The following GLIS1 variants were observed in gnomAD, a reference collection of about 807,000 sequenced individuals.
GLIS1 encodes GLIS family zinc finger 1, also known as zinc finger protein GLIS1.
Under a neutral mutation model 63.8 loss-of-function variants are expected in GLIS1, and 24 were observed. The ratio of observed to expected loss-of-function variants is 0.38; its 90% CI spans 0.27 to 0.53. The LOEUF (loss-of-function observed/expected upper bound fraction) is 0.53. GLIS1 is among the 20% of genes least tolerant of loss of function. The pLI is 0.85. For synonymous variants in GLIS1, 450 were observed against 482.5 expected, an observed-to-expected ratio of 0.93 and a Z score of 0.88; for missense variants, 1,036 against 1,074.1, an observed-to-expected ratio of 0.96 and a Z score of 0.50.
chr1:53,519,454 T>G (rs1644384565), intron 7 of GLIS1, among the ~76,000 whole-genome samples: 1 of 152,206 alleles, frequency 6.6e-6, no homozygotes, highest in South Asian at 2.1e-4. Context: ...CAAAAAATGT[T>G]GAAAATGGTT....
At chr1:53,626,276 C>A (rs1645593068) in intron 2 of GLIS1, among the ~76,000 whole-genome samples, 1 of 152,184 alleles carries the variant, frequency 6.6e-6, no homozygotes, top group African/African-American at 2.4e-5. Flanking sequence ...CAGACACAAC[C>A]CATAACTTCC....
chr1:53,589,913 G>A (rs951724909), intron 4 of GLIS1, among the ~76,000 whole-genome samples: 1 of 152,194 alleles, frequency 6.6e-6, no homozygotes, highest in African/African-American at 2.4e-5. Context: ...ATATCGAATG[G>A]CAAGGACAGA....
At chr1:53,564,157 A>C (rs1249093609) in intron 4 of GLIS1, among the ~76,000 whole-genome samples, 2 of 152,220 alleles carry the variant, frequency 1.3e-5, no homozygotes, top group Non-Finnish European at 2.9e-5. Flanking sequence ...ACGGGGTTGA[A>C]GAAAGGCCAG....
At chr1:53,568,297 T>G (rs1644953697) in intron 4 of GLIS1, among the ~76,000 whole-genome samples, 1 of 152,228 alleles carries the variant, frequency 6.6e-6, no homozygotes, top group African/African-American at 2.4e-5. Flanking sequence ...TTTGACCAAT[T>G]TCTCCCTTTT....
At chr1:53,705,219 T>C (rs1478574952) in intron 2 of GLIS1, among the ~76,000 whole-genome samples, 1 of 152,114 alleles carries the variant, frequency 6.6e-6, no homozygotes, top group Non-Finnish European at 1.5e-5. Flanking sequence ...ACAATGACAC[T>C]GAGCCCTGGG....
At chr1:53,572,782 T>A (rs1292020318) in intron 4 of GLIS1, among the ~76,000 whole-genome samples, 4 of 152,230 alleles carry the variant, frequency 2.6e-5, no homozygotes, top group African/African-American at 9.6e-5. Context: ...TTTCTGGCTC[T>A]GGCTGACCCC....
chr1:53,707,835 G>A (rs956016741), intron 2 of GLIS1, among the ~76,000 whole-genome samples: 5 of 151,860 alleles, frequency 3.3e-5, no homozygotes, highest in East Asian at 3.9e-4. Context: ...TTACAGGCGT[G>A]AGCCACCATG....
Position 53,715,655 on chromosome 1 carries a change from G to A in GLIS1, c.259+22151C>T, listed in dbSNP as rs115250597. Among the ~76,000 whole-genome samples the A allele has an allele frequency of 2.0e-3, 311 of 152,236 alleles. 2 individuals are homozygous for A. Among genetic ancestry groups the A allele is most frequent in the African/African-American group, 7.3e-3 (303 of 41,542 alleles). On this transcript the variant is annotated intron_variant, in intron 2 of 10. Transcript: ENST00000628545. ...ACAGGTTCAGGACTGAGGCAGGGAC[G>A]CCAGCAGGGGGCGGCAAGAAGGAGC...
intron 2 of GLIS1, among the ~76,000 whole-genome samples, chr1:53,734,731 G>T (rs894338667): frequency 6.6e-6 from 1 of 152,214 alleles, no homozygotes; most frequent in Non-Finnish European, 1.5e-5. Context: ...GTAAAGCACC[G>T]TGCACAGAGA....
chr1:53,736,981 GA>G lies in GLIS1; in HGVS notation c.259+824del, dbSNP rs34549385. On this transcript the variant is annotated intron_variant, in intron 2 of 10. Transcript: ENST00000628545. ...CCCAAAGCCTTGGTTTCCCCTAAGG[GA>G]AAAAAAAAGGGGGGAGGACGAGGAC... Among the ~76,000 whole-genome samples, 28 of 150,854 alleles carry G rather than the reference GA, an allele frequency of 1.9e-4. 2 individuals are homozygous for G. The South Asian group carries it at 1.9e-3, about 10-fold the overall frequency.
chr1:53,527,800 C>G (rs773547957), intron 5 of GLIS1, among the ~76,000 whole-genome samples: 1 of 151,932 alleles, frequency 6.6e-6, no homozygotes, highest in Non-Finnish European at 1.5e-5. Flanking sequence ...CTGGGCTTGG[C>G]GGCTGCACTT....
chr1:53,533,746 G>A (rs1644554895), intron 4 of GLIS1, among the ~76,000 whole-genome samples: 1 of 151,044 alleles, frequency 6.6e-6, no homozygotes, highest in Non-Finnish European at 1.5e-5. Flanking sequence ...GGATCTGCCT[G>A]CAGCTGGCTG....
intron 2 of GLIS1, among the ~76,000 whole-genome samples, chr1:53,654,581 T>C (rs1645943780): frequency 6.6e-6 from 1 of 151,804 alleles, no homozygotes; most frequent in South Asian, 2.1e-4. Flanking sequence ...GAAAGGTCAG[T>C]GAGATGGTGG....
chr1:53,643,444 G>C (rs910534885), intron 2 of GLIS1, among the ~76,000 whole-genome samples: 4 of 152,136 alleles, frequency 2.6e-5, no homozygotes, highest in Admixed American at 1.3e-4. Context: ...TAGAGACCTG[G>C]TTCTAGTTCA....
At chr1:53,520,903 TC>T (rs1644401737) in intron 6 of GLIS1, 137 bp from the exon 7 acceptor site, 1 of 942,574 alleles carries the variant, frequency 1.1e-6, no homozygotes, top group African/African-American at 1.7e-5. Flanking sequence ...CAGTTCCCCA[TC>T]TGTGAAATGG....
Position 53,618,668 on chromosome 1 carries a change from A to G in GLIS1, c.260-18390T>C, listed in dbSNP as rs575587931. Among the ~76,000 whole-genome samples the G allele has an allele frequency of 1.0e-3, 158 of 152,286 alleles. 4 individuals are homozygous for G. In the South Asian group the frequency reaches 0.031, roughly 30 times the overall value. ...GAGGATGCAAAGGGGGGTTTCTAGG[A>G]AAGTCGAGGGGCTGATGAAGGGCAG... On this transcript the variant is annotated intron_variant, in intron 2 of 10. Coordinates refer to ENST00000628545, the MANE Select transcript of GLIS1 (RefSeq NM_001367484.1).
intron 2 of GLIS1, among the ~76,000 whole-genome samples, chr1:53,674,557 C>G (rs565603242): frequency 4.6e-5 from 7 of 152,230 alleles, no homozygotes; most frequent in Admixed American, 4.6e-4. Context: ...CATGTGAGCT[C>G]TTGTTGCTGT....
At chr1:53,651,934 A>C (rs908765731) in intron 2 of GLIS1, among the ~76,000 whole-genome samples, 1 of 151,154 alleles carries the variant, frequency 6.6e-6, no homozygotes, top group African/African-American at 2.4e-5. Context: ...GCTCTACCTG[A>C]GTATTGAGGG....
chr1:53,678,169 T>C (rs975416324), intron 2 of GLIS1, among the ~76,000 whole-genome samples: 2 of 152,082 alleles, frequency 1.3e-5, no homozygotes, highest in African/African-American at 4.8e-5. Flanking sequence ...GACCTGATGA[T>C]GTCCCCAACA....
Sources: gnomAD v4.1 joint callset for allele counts (sites outside exome capture counted in the v4.1 genomes callset) on GRCh38, gnomAD v4.1.1 for gene constraint, MANE v1.5 for transcripts, NCBI Gene and HGNC (gene_info 2026-07-23, HGNC 2026-07-21) for gene names.